Variants in FLNB observed in about 807,000 individuals in gnomAD.
FLNB encodes filamin B.
In FLNB, 111 loss-of-function variants were observed where a neutral mutation model predicts 250.6. The observed-to-expected ratio is 0.44, with a 90% CI of 0.38 to 0.52. The LOEUF (loss-of-function observed/expected upper bound fraction) is 0.52, where lower values mean the gene tolerates loss of function less well. Among genes scored for constraint, FLNB ranks in the 20% least tolerant of loss-of-function variants. FLNB has a pLI of 0.00. For synonymous variants in FLNB, 1,302 were observed against 1,372.1 expected (o/e 0.95, Z 1.13); for missense variants, 2,869 against 3,447.8 (o/e 0.83, Z 4.20).
intron 4 of FLNB, among the ~76,000 whole-genome samples, chr3:58,084,918 A>G (rs1010889220): frequency 6.6e-6 from 1 of 152,134 alleles, no homozygotes; most frequent in Non-Finnish European, 1.5e-5. Context: ...ACCTCCTAGA[A>G]GTAGAATCAT....
chr3:58,169,824 T>TTTTTCTGGGGGGGGGG lies in FLNB; in HGVS notation c.7621+31_7621+32insTTTTCTGGGGGGGGGG. 1.5e-6 allele frequency: 1 copy of TTTTTCTGGGGGGGGGG among 684,938 alleles called. No homozygotes were observed. The highest frequency in any genetic ancestry group is 2.6e-6 in the Non-Finnish European group (1 of 387,982). 42.4% of individuals were successfully genotyped at this position (684,938 alleles called of 1,614,324 possible). ...TGTCTGGGCCTTTTCAAGGGTGGGG[T>TTTTTCTGGGGGGGGGG]GGGGCAGGGGCAGGCTGGGCACCCT... is the stretch of plus-strand genomic sequence containing the variant. On this transcript the variant is annotated intron_variant, in intron 45 of 45. Coordinates refer to ENST00000295956, the MANE Select transcript of FLNB (RefSeq NM_001457.4). This position sits in a 1 kb window ranked among gnomAD's most constrained non-coding sequence, Gnocchi z 4.8.
At position 58,163,196 on chromosome 3, in the gene FLNB, A is replaced by G. The variant is rs1387821843; in HGVS notation, c.7064A>G (p.His2355Arg). 2 of 1,614,186 alleles carry G rather than the reference A, an allele frequency of 1.2e-6. No homozygotes were observed. The highest frequency in any genetic ancestry group is 8.5e-7 in the Non-Finnish European group (1 of 1,180,010). Residue 2355 changes from histidine to arginine, a missense_variant, in exon 43 of 46, where the codon CAC becomes CGC. By Grantham distance (29) the His-to-Arg change is conservative. This residue lies in a region of FLNB where 1,084 missense variants were observed against 1,315.5 expected (regional missense o/e 0.82). Transcript: ENST00000295956. ...TTCATCCCTCATGAGAATGGTGTCC[A>G]CACCATCGATGTCAAGTTCAATGGG... ...VRFIPHENGV[H>R]TIDVKFNGSH...
At chr3:58,155,137 C>T (rs1397841662) in intron 40 of FLNB, among the ~76,000 whole-genome samples, 1 of 152,222 alleles carries the variant, frequency 6.6e-6, no homozygotes, top group Non-Finnish European at 1.5e-5. Flanking sequence ...TGCCTTTCTC[C>T]ATTAGCCTCT....
intron 1 of FLNB, among the ~76,000 whole-genome samples, chr3:58,054,134 G>T (rs1261233610): frequency 1.3e-5 from 2 of 152,212 alleles, no homozygotes; most frequent in African/African-American, 2.4e-5. Context: ...GGAGCTTGGT[G>T]CTGAGTGCTT....
At chr3:58,074,060 A>G (rs1358293023) in intron 1 of FLNB, among the ~76,000 whole-genome samples, 2 of 152,242 alleles carry the variant, frequency 1.3e-5, no homozygotes, top group African/African-American at 4.8e-5. Flanking sequence ...TGGTTAGAAT[A>G]AAGGCACAGG....
chr3:58,129,517 C>A (rs1055042493), intron 24 of FLNB, among the ~76,000 whole-genome samples: 1 of 152,104 alleles, frequency 6.6e-6, no homozygotes, highest in Non-Finnish European at 1.5e-5. Flanking sequence ...AAAGTAAAGC[C>A]CCCTTTTGTT....
rs2106655440 is a variant in FLNB at position 58,008,759 on chromosome 3, G to A, written c.195G>A (p.Lys65=). ...TCAGCCAGAAGCGCATGTACCGCAA[G>A]TACCATCAGCGGCCCACCTTTCGCC... is the stretch of plus-strand genomic sequence containing the variant. The part of the protein sequence containing the change: ...EVLSQKRMYR[K]YHQRPTFRQM... The change falls in exon 1 of 46, where the codon AAG becomes AAA. Residue 65 remains lysine, a synonymous_variant. Transcript: ENST00000295956. 1 of 1,614,076 alleles carries A rather than the reference G, an allele frequency of 6.2e-7. No individual in the cohort carries two copies. Among genetic ancestry groups the A allele is most frequent in the Non-Finnish European group, 8.5e-7 (1 of 1,179,956 alleles).
At chr3:58,140,086 C>G (rs1240221643) in intron 29 of FLNB, among the ~76,000 whole-genome samples, 1 of 152,188 alleles carries the variant, frequency 6.6e-6, no homozygotes. Context: ...TCTTTATTCT[C>G]TCATTCCAGG....
Position 58,077,122 on chromosome 3 carries a change from C to A in FLNB, c.369C>A (p.Ile123=). The A allele has an allele frequency of 1.2e-6, 2 of 1,614,166 alleles. No individual in the cohort carries two copies. The highest frequency in any genetic ancestry group is 1.7e-6 in the Non-Finnish European group (2 of 1,180,002). Residue 123 remains isoleucine (I), a synonymous_variant, in exon 2 of 46, where the codon ATC becomes ATA. Coordinates refer to ENST00000295956, the MANE Select transcript of FLNB (RefSeq NM_001457.4). ...GGACGCTGATCCTCCACTACTCCAT[C>A]TCCATGCCCGTGTGGGAGGATGAAG... ...LVWTLILHYS[I]SMPVWEDEGD... is the part of the protein sequence containing the mutation.
chr3:58,100,371 A>ATATATATATAT (rs1273706014), intron 8 of FLNB, among the ~76,000 whole-genome samples: 2 of 25,250 alleles, frequency 7.9e-5, no homozygotes, highest in African/African-American at 6.0e-4. Context: ...ATGTAAAAAA[A>ATATATATATAT]AAATATATAT....
At chr3:58,085,737 T>G (rs146905979) in intron 4 of FLNB, among the ~76,000 whole-genome samples, 1 of 152,346 alleles carries the variant, frequency 6.6e-6, no homozygotes, top group Non-Finnish European at 1.5e-5. Context: ...GCATTTACTG[T>G]AGAGCAATCC....
intron 38 of FLNB, chr3:58,150,451 A>G (rs1285093368): frequency 6.7e-6 from 4 of 593,140 alleles, no homozygotes; most frequent in Non-Finnish European, 1.2e-5. Context: ...TCCTCTTCCA[A>G]ATAAAAATAG....
In FLNB at chr3:58,123,577, T is replaced by G. The variant is rs1172727283; in HGVS notation, c.3611T>G (p.Leu1204Trp). 3.7e-6 allele frequency: 6 copies of G among 1,612,028 alleles called. No individual in the cohort carries two copies. ...CCCCTGACGGCCGGCATGTACACGT[T>G]GACCATGAAGTATGGTGGCGAACTC... ...YVPLTAGMYT[L>W]TMKYGGELVP... Residue 1204 changes from leucine to tryptophan, a missense_variant, in exon 21 of 46, where the codon TTG becomes TGG. Coordinates refer to ENST00000295956, the MANE Select transcript of FLNB (RefSeq NM_001457.4).
chr3:58,021,278 G>A (rs1461718862), intron 1 of FLNB, among the ~76,000 whole-genome samples: 1 of 152,198 alleles, frequency 6.6e-6, no homozygotes, highest in African/African-American at 2.4e-5. Flanking sequence ...GGGACCTGAG[G>A]TGCAAGGTCT....
chr3:58,017,499 C>T (rs1039107984), intron 1 of FLNB, among the ~76,000 whole-genome samples: 1 of 152,238 alleles, frequency 6.6e-6, no homozygotes, highest in African/African-American at 2.4e-5. Flanking sequence ...GTGATCCGCC[C>T]GCTTTGGCCT....
At chr3:58,125,519 T>C in intron 22 of FLNB, 62 bp from the exon 23 acceptor site, 5 of 1,575,486 alleles carry the variant, frequency 3.2e-6, no homozygotes, top group Non-Finnish European at 4.4e-6. Context: ...AAGTAGAGAA[T>C]CATTTTTCAC....
At chr3:58,156,717 G>A (rs2097353865) in intron 41 of FLNB, among the ~76,000 whole-genome samples, 1 of 152,140 alleles carries the variant, frequency 6.6e-6, no homozygotes, top group Non-Finnish European at 1.5e-5. Flanking sequence ...TTGTTGTTGA[G>A]GCAGAGTCTC....
At chr3:58,031,800 T>C (rs1235754702) in intron 1 of FLNB, among the ~76,000 whole-genome samples, 1 of 151,806 alleles carries the variant, frequency 6.6e-6, no homozygotes, top group Non-Finnish European at 1.5e-5. Flanking sequence ...CACCTTGGCC[T>C]CCCAAATTGC....
In FLNB at chr3:58,121,460, G is replaced by C. The variant is rs766389606; in HGVS notation, c.3083G>C (p.Ser1028Thr). 6.2e-7 allele frequency: 1 copy of C among 1,614,000 alleles called. No individual in the cohort carries two copies. Among genetic ancestry groups the C allele is most frequent in the Admixed American group, 1.7e-5 (1 of 60,008 alleles). Residue 1028 changes from serine (S) to threonine (T), a missense_variant, in exon 20 of 46, where the codon AGC (serine) becomes ACC (threonine). Coordinates refer to ENST00000295956, the MANE Select transcript of FLNB (RefSeq NM_001457.4). ...TACGATGGACACCCTGTGCCCGGGA[G>C]CCCCTACACAGTGGAGGCCTCGCTG... ...VTYDGHPVPG[S>T]PYTVEASLPP...
Sources: gnomAD v4.1 joint callset for allele counts (sites outside exome capture counted in the v4.1 genomes callset) on GRCh38, gnomAD v4.1.1 for gene constraint, gnomAD v4.1.1 regional missense constraint, Gnocchi (gnomAD v3.1) non-coding constraint, MANE v1.5 for transcripts, NCBI Gene and HGNC (gene_info 2026-07-23, HGNC 2026-07-21) for gene names.